Variants in DOCK3 observed in about 807,000 individuals in gnomAD.
The protein encoded by DOCK3 is dedicator of cytokinesis protein 3.
DOCK3 carries 60 observed loss-of-function variants against 265.6 expected under a neutral mutation model. That is an observed-to-expected ratio of 0.23 (90% CI 0.18 to 0.28). The LOEUF (loss-of-function observed/expected upper bound fraction) is 0.28. DOCK3 is among the 10% of genes least tolerant of loss of function. The pLI is 1.00. For synonymous variants in DOCK3, 881 were observed against 938.0 expected (o/e 0.94, Z 1.11); for missense variants, 1,981 against 2,594.3 (o/e 0.76, Z 5.14).
intron 4 of DOCK3, among the ~76,000 whole-genome samples, chr3:50,903,277 T>G (rs1424097899): frequency 6.6e-6 from 1 of 152,280 alleles, no homozygotes; most frequent in South Asian, 2.1e-4. Flanking sequence ...GCTTTTGCCT[T>G]TTCAATATGA....
At chr3:51,032,420 T>C (rs1186558753) in intron 5 of DOCK3, among the ~76,000 whole-genome samples, 2 of 152,196 alleles carry the variant, frequency 1.3e-5, no homozygotes, top group Admixed American at 6.5e-5. Flanking sequence ...ATTTAAAATA[T>C]AGTTTTTATT....
At position 50,898,925 on chromosome 3, in the gene DOCK3, A is replaced by C. The variant is rs573020171; in HGVS notation, c.218+8844A>C. Among the ~76,000 whole-genome samples, 7 of 152,270 alleles carry C rather than the reference A, an allele frequency of 4.6e-5. No homozygotes were observed. In the South Asian group the frequency reaches 1.4e-3, roughly 32 times the overall value. ...TGTGATCGATTTCAGAATAAGTGCGATGTAGTGCTGAGAGGAATGTATATT... is the reference window on the plus strand; with the variant it reads ...TGTGATCGATTTCAGAATAAGTGCGCTGTAGTGCTGAGAGGAATGTATATT... On this transcript the variant is annotated intron_variant, in intron 4 of 52. Coordinates refer to ENST00000266037, the MANE Select transcript of DOCK3 (RefSeq NM_004947.5).
chr3:51,328,336 C>T (rs562389182), intron 32 of DOCK3, among the ~76,000 whole-genome samples: 13 of 152,194 alleles, frequency 8.5e-5, no homozygotes, highest in African/African-American at 3.1e-4. Context: ...TAATCAGGCC[C>T]GTCTCTTGGG....
intron 1 of DOCK3, among the ~76,000 whole-genome samples, chr3:50,708,381 T>C (rs2036547957): frequency 6.6e-6 from 1 of 152,176 alleles, no homozygotes; most frequent in African/African-American, 2.4e-5. Flanking sequence ...TATAGGGTGA[T>C]GCATTGGCTA....
intron 12 of DOCK3, among the ~76,000 whole-genome samples, chr3:51,178,559 G>C (rs1051051806): frequency 1.3e-5 from 2 of 152,188 alleles, no homozygotes; most frequent in East Asian, 1.9e-4. Context: ...GCTGGGAAGA[G>C]AAAGCAGAGC....
At chr3:51,233,353 TCTATC>T (rs1257822098) in intron 19 of DOCK3, among the ~76,000 whole-genome samples, 1 of 13,572 alleles carries the variant, frequency 7.4e-5, no homozygotes, top group Non-Finnish European at 4.8e-4. Flanking sequence ...TATCTATCTA[TCTATC>T]TATTTATTTA....
intron 5 of DOCK3, among the ~76,000 whole-genome samples, chr3:51,027,830 A>T (rs2079884209): frequency 1.3e-5 from 2 of 151,830 alleles, no homozygotes; most frequent in Admixed American, 6.6e-5. Flanking sequence ...GTGTCATTAC[A>T]TGAGACATGA....
intron 2 of DOCK3, among the ~76,000 whole-genome samples, chr3:50,804,929 A>G (rs530221660): frequency 2.0e-4 from 31 of 152,304 alleles, no homozygotes; most frequent in East Asian, 9.6e-4. Context: ...GATTTCCCCA[A>G]TTTTGTTGAA....
intron 4 of DOCK3, among the ~76,000 whole-genome samples, chr3:50,916,649 G>A (rs1204941818): frequency 3.3e-5 from 5 of 151,816 alleles, no homozygotes; most frequent in African/African-American, 1.2e-4. Flanking sequence ...TCTGGTAAAA[G>A]TAGAAAAAAA....
intron 18 of DOCK3, 40 bp from the exon 19 acceptor site, chr3:51,229,472 A>C: frequency 5.0e-6 from 7 of 1,390,702 alleles, no homozygotes; most frequent in African/African-American, 1.5e-5. Flanking sequence ...AAGAATATCC[A>C]GGTTTCAAGG....
intron 5 of DOCK3, among the ~76,000 whole-genome samples, chr3:51,050,515 G>A (rs185706213): frequency 6.6e-6 from 1 of 152,254 alleles, no homozygotes; most frequent in Non-Finnish European, 1.5e-5. Flanking sequence ...ATACATAAAA[G>A]GAGATTTAGT....
chr3:50,824,572 C>T (rs1183614273), intron 2 of DOCK3, among the ~76,000 whole-genome samples: 2 of 152,116 alleles, frequency 1.3e-5, no homozygotes, highest in African/African-American at 4.8e-5. Context: ...TGTATCTTTT[C>T]CTTGTGTTCC....
chr3:50,731,691 T>C (rs2038223648), intron 1 of DOCK3, among the ~76,000 whole-genome samples: 1 of 152,154 alleles, frequency 6.6e-6, no homozygotes, highest in African/African-American at 2.4e-5. Flanking sequence ...AAGAGTCCCA[T>C]CATCCAAGAA....
chr3:51,363,310 G>C (rs1266350659), intron 49 of DOCK3, among the ~76,000 whole-genome samples: 1 of 152,170 alleles, frequency 6.6e-6, no homozygotes, highest in Non-Finnish European at 1.5e-5. Context: ...CATTTGCAGT[G>C]GAATGGAAAT....
intron 5 of DOCK3, among the ~76,000 whole-genome samples, chr3:51,053,080 T>G (rs1284875300): frequency 2.4e-3 from 86 of 35,870 alleles, no homozygotes; most frequent in Admixed American, 4.0e-3. Flanking sequence ...AAGTCAAAGA[T>G]ATATATATAT....
intron 4 of DOCK3, among the ~76,000 whole-genome samples, chr3:50,926,664 G>C (rs2050775862): frequency 6.6e-6 from 1 of 152,232 alleles, no homozygotes; most frequent in Non-Finnish European, 1.5e-5. Flanking sequence ...GAGAGTTGTT[G>C]AGAGTCAGCT....
chr3:51,143,959 C>A (rs2085181295), intron 9 of DOCK3, among the ~76,000 whole-genome samples: 1 of 152,148 alleles, frequency 6.6e-6, no homozygotes, highest in African/African-American at 2.4e-5. Context: ...AGATACTTGT[C>A]TTCATTTTTC....
At chr3:50,808,555 C>G (rs1439004786) in intron 2 of DOCK3, among the ~76,000 whole-genome samples, 1 of 152,192 alleles carries the variant, frequency 6.6e-6, no homozygotes, top group Non-Finnish European at 1.5e-5. Flanking sequence ...TGGGCTAACT[C>G]TGGCTCACTC....
At position 51,357,090 on chromosome 3, in the gene DOCK3, G is replaced by A; in HGVS notation, c.4632G>A (p.Leu1544=). Residue 1544 remains leucine (L), a synonymous_variant, in exon 44 of 53, where the codon CTG becomes CTA. Coordinates refer to ENST00000266037, the MANE Select transcript of DOCK3 (RefSeq NM_004947.5). The stretch of plus-strand genomic sequence containing the variant: ...ACATTAACCTGCTAAGCATGTGCCT[G>A]AATGGTGTCATTGATGCAGCTGTCA... The part of the protein sequence containing the change: ...HGNINLLSMC[L]NGVIDAAVNG... 1.2e-6 allele frequency: 2 copies of A among 1,612,948 alleles called. No homozygotes were observed. Among genetic ancestry groups the A allele is most frequent in the East Asian group, 2.2e-5 (1 of 44,872 alleles).
Sources: allele counts gnomAD v4.1 joint callset (sites outside exome capture counted in the v4.1 genomes callset), GRCh38; gene constraint gnomAD v4.1.1; transcripts MANE v1.5; gene names NCBI Gene and HGNC (gene_info 2026-07-23, HGNC 2026-07-21).